Variants in NTM observed in about 807,000 individuals in gnomAD.
NTM encodes IgLON family member 2.
A neutral mutation model predicts 42.1 loss-of-function variants in NTM; 13 were observed. That is an observed-to-expected ratio of 0.31 (90% CI 0.20 to 0.49). The LOEUF is 0.49. Ranked by LOEUF, NTM falls within the 20% of genes least tolerant of loss-of-function variation. The probability of loss-of-function intolerance (pLI) is 0.99; values close to 1 mark genes in which losing one functional copy is unlikely to be tolerated. For missense variants in NTM, 373 were observed against 452.8 expected (o/e 0.82, Z 1.60); for synonymous variants, 187 against 179.2 (o/e 1.04, Z -0.35).
At chr11:132,031,483 T>G in intron 2 of NTM, among the ~76,000 whole-genome samples, 1 of 152,194 alleles carries the variant, frequency 6.6e-6, no homozygotes, top group South Asian at 2.1e-4. Context: ...TCTGGATTTG[T>G]TTTTCAGGTA....
chr11:132,228,780 C>T (rs377332776), intron 4 of NTM, among the ~76,000 whole-genome samples: 2 of 152,212 alleles, frequency 1.3e-5, no homozygotes, highest in African/African-American at 4.8e-5. Flanking sequence ...CTTCTCTCTG[C>T]ATCACCAGTT....
At chr11:132,006,445 G>A (rs2070813134) in intron 2 of NTM, among the ~76,000 whole-genome samples, 1 of 152,208 alleles carries the variant, frequency 6.6e-6, no homozygotes, top group Non-Finnish European at 1.5e-5. Flanking sequence ...AGAGCCAAGA[G>A]AATATGAGAA....
intron 1 of NTM, among the ~76,000 whole-genome samples, chr11:131,571,173 G>T (rs769777164): frequency 2.6e-5 from 4 of 152,242 alleles, no homozygotes; most frequent in Non-Finnish European, 5.9e-5. Context: ...ACAAGGAGGT[G>T]CTCAGGAAGT....
chr11:131,721,816 G>A (rs1381197628), intron 1 of NTM, among the ~76,000 whole-genome samples: 1 of 151,848 alleles, frequency 6.6e-6, no homozygotes, highest in East Asian at 1.9e-4. Flanking sequence ...GACCAACATG[G>A]AGAAACCCCA....
intron 1 of NTM, among the ~76,000 whole-genome samples, chr11:131,401,822 A>ATGTGTG (rs1555101761): frequency 3.5e-5 from 2 of 57,876 alleles, no homozygotes; most frequent in African/African-American, 1.4e-4. Flanking sequence ...ATATATATAT[A>ATGTGTG]TATATATATA....
intron 1 of NTM, among the ~76,000 whole-genome samples, chr11:131,392,829 G>C (rs996211403): frequency 6.6e-6 from 1 of 152,162 alleles, no homozygotes; most frequent in African/African-American, 2.4e-5. Flanking sequence ...GAGAACCAAG[G>C]TCTATTATTT....
At chr11:131,861,598 GAT>G (rs1378279328) in intron 1 of NTM, among the ~76,000 whole-genome samples, 1 of 152,196 alleles carries the variant, frequency 6.6e-6, no homozygotes, top group East Asian at 1.9e-4. Flanking sequence ...CAATCTGCCT[GAT>G]GTTGCTGTAA....
intron 1 of NTM, among the ~76,000 whole-genome samples, chr11:131,794,206 C>A (rs557120514): frequency 6.6e-6 from 1 of 152,126 alleles, no homozygotes; most frequent in Non-Finnish European, 1.5e-5. Flanking sequence ...CTGTCTCGCA[C>A]CTCTGGCTTG....
intron 2 of NTM, among the ~76,000 whole-genome samples, chr11:132,047,364 C>T (rs1357344350): frequency 6.6e-6 from 1 of 152,232 alleles, no homozygotes; most frequent in Non-Finnish European, 1.5e-5. Flanking sequence ...ACTAAATAGT[C>T]TTTCAGTGTT....
chr11:132,062,269 A>G (rs2080806906), intron 2 of NTM, among the ~76,000 whole-genome samples: 1 of 152,100 alleles, frequency 6.6e-6, no homozygotes, highest in South Asian at 2.1e-4. Flanking sequence ...TTGTTTTTAT[A>G]TTTTCAAGCT....
At chr11:131,920,810 A>T (rs2057113986) in intron 2 of NTM, among the ~76,000 whole-genome samples, 1 of 152,204 alleles carries the variant, frequency 6.6e-6, no homozygotes. Context: ...TGGAAAATTA[A>T]AAAAACTAAA....
chr11:131,433,144 A>G (rs371899992), intron 1 of NTM, among the ~76,000 whole-genome samples: 20 of 152,272 alleles, frequency 1.3e-4, no homozygotes, highest in African/African-American at 4.8e-4. Flanking sequence ...GGCGTGAGCC[A>G]CTGCGCCCAG....
At chr11:132,283,942 C>T (rs577315108) in intron 4 of NTM, among the ~76,000 whole-genome samples, 15 of 152,262 alleles carry the variant, frequency 9.9e-5, no homozygotes, top group African/African-American at 2.2e-4. Context: ...CCCTCCATCC[C>T]GCCCTTTTCC....
chr11:131,744,772 T>C (rs2081598189), intron 1 of NTM, among the ~76,000 whole-genome samples: 1 of 152,190 alleles, frequency 6.6e-6, no homozygotes, highest in Non-Finnish European at 1.5e-5. Flanking sequence ...GAATAGAATA[T>C]GGAACTAACT....
At chr11:131,779,356 T>A (rs982761935) in intron 1 of NTM, among the ~76,000 whole-genome samples, 10 of 152,170 alleles carry the variant, frequency 6.6e-5, no homozygotes, top group Non-Finnish European at 1.5e-4. Context: ...TCGGTGATAA[T>A]TCATTATGCA....
chr11:131,842,209 A>G (rs2044346230), intron 1 of NTM, among the ~76,000 whole-genome samples: 1 of 152,188 alleles, frequency 6.6e-6, no homozygotes, highest in South Asian at 2.1e-4. Flanking sequence ...AGATCTTGCA[A>G]ACCATTTTAA....
rs970462466 is a variant in NTM, at chr11:132,330,063, G to A, written c.935-90G>A. ...GCAGGGACGCTGCTGCGCCAGGAGC[G>A]CCAGCTTCTTCCTGAAATCATCTGA... is the stretch of plus-strand genomic sequence containing the variant. On this transcript the variant is annotated intron_variant, in intron 7 of 8. Transcript: ENST00000683400. 1.4e-5 allele frequency: 21 copies of A among 1,532,526 alleles called. No homozygotes were observed. The Admixed American group carries it at 1.8e-4, about 13-fold the overall frequency. The allele number at this position is 1,532,526 out of a possible 1,614,324, so 94.9% of individuals were successfully genotyped here. A position where few individuals can be genotyped will look rare whatever the true frequency, so the allele number is the denominator to read the frequency against.
rs183519778 is a variant in NTM at position 132,334,297 on chromosome 11, T to C, written c.968-749T>C. 2.6e-4 allele frequency among the ~76,000 whole-genome samples: 40 copies of C among 152,324 alleles called. No homozygotes were observed. The East Asian group carries it at 6.0e-3, about 23-fold the overall frequency. On this transcript the variant is annotated intron_variant, in intron 8 of 8. Coordinates refer to ENST00000683400, the MANE Select transcript of NTM (RefSeq NM_001352005.2). ...TGTGTTTGTCTCCATCTCCATACAC[T>C]GGGGCAGGTTCTGCATCCCAGTGTC...
At chr11:132,192,912 T>C (rs988800889) in intron 3 of NTM, among the ~76,000 whole-genome samples, 3 of 152,200 alleles carry the variant, frequency 2.0e-5, no homozygotes, top group Admixed American at 2.0e-4. Context: ...AAGAGAATCA[T>C]TGCTTAATTA....
Sources: gnomAD v4.1 joint callset for allele counts (sites outside exome capture counted in the v4.1 genomes callset) on GRCh38, gnomAD v4.1.1 for gene constraint, MANE v1.5 for transcripts, NCBI Gene and HGNC (gene_info 2026-07-23, HGNC 2026-07-21) for gene names.